Variants in DYNC2I2 observed in about 807,000 individuals in gnomAD.
DYNC2I2 encodes the protein dynein 2 intermediate chain 2.
In DYNC2I2, 39 loss-of-function variants were observed where a neutral mutation model predicts 52.0. The observed-to-expected ratio is 0.75, with a 90% confidence interval of 0.58 to 0.98. The LOEUF (loss-of-function observed/expected upper bound fraction) is 0.98, where lower values mean the gene tolerates loss of function less well. DYNC2I2 is among the 50% of genes least tolerant of loss of function. The pLI, the probability that DYNC2I2 is intolerant of heterozygous loss-of-function variation, is 0.00. For missense variants in DYNC2I2, 743 were observed against 728.4 expected (o/e 1.02, Z -0.23); for synonymous variants, 359 against 321.1 (o/e 1.12, Z -1.26).
the DYNC2I2 span, among the ~76,000 whole-genome samples, chr9:128,672,621 A>AT: frequency 6.6e-6 from 1 of 152,094 alleles, no homozygotes; most frequent in South Asian, 2.1e-4. Context: ...AAAAAAAAAA[A>AT]GGAAAAAAAT....
chr9:128,647,904 A>G (rs564387830), intron 1 of DYNC2I2, among the ~76,000 whole-genome samples: 17 of 152,160 alleles, frequency 1.1e-4, no homozygotes, highest in Middle Eastern at 3.4e-3. Context: ...TGCAGCCTGA[A>G]GCCCAATTCT....
At chr9:128,684,149 T>C in the DYNC2I2 span, 2 of 670,720 alleles carry the variant, frequency 3.0e-6, no homozygotes, top group Non-Finnish European at 5.0e-6. Flanking sequence ...GGATTAAGTT[T>C]GCGTGAAGAA....
chr9:128,651,606 C>T (rs10819425), intron 1 of DYNC2I2: 17,642 of 55,532 alleles, frequency 0.32, 7,821 homozygotes, highest in Middle Eastern at 0.66. Flanking sequence ...AACTGGAGGC[C>T]GAGGAGACAT....
the DYNC2I2 span, among the ~76,000 whole-genome samples, chr9:128,668,134 T>C: frequency 6.6e-6 from 1 of 151,908 alleles, no homozygotes; most frequent in East Asian, 1.9e-4. Flanking sequence ...CTAATTTTTG[T>C]ACTTTTAATA....
chr9:128,640,060 T>G (rs1860484055), intron 2 of DYNC2I2, among the ~76,000 whole-genome samples: 2 of 135,306 alleles, frequency 1.5e-5, no homozygotes, highest in African/African-American at 2.8e-5. Flanking sequence ...CAGGCTGGAG[T>G]GCAGTGGCGT....
At chr9:128,640,411 A>G (rs996580986) in intron 2 of DYNC2I2, among the ~76,000 whole-genome samples, 1 of 152,166 alleles carries the variant, frequency 6.6e-6, no homozygotes, top group African/African-American at 2.4e-5. Context: ...GCCTGCCTCC[A>G]CTGCTCAGCT....
At chr9:128,680,164 G>A in the DYNC2I2 span, among the ~76,000 whole-genome samples, 1 of 151,422 alleles carries the variant, frequency 6.6e-6, no homozygotes, top group Non-Finnish European at 1.5e-5. Flanking sequence ...GGGTTCAAGC[G>A]ATTTTTGTGC....
Position 128,656,775 on chromosome 9 carries a change from C to T in DYNC2I2, c.-49G>A, listed in dbSNP as rs1224169171. On this transcript the variant is annotated 5_prime_UTR_variant, in exon 1 of 9. Transcript: ENST00000372715. ...CGGACGCACTCAGGCGCGACCTCCG[C>T]CCCTACGCCGCCATGAGCGGAAAAC... The T allele has an allele frequency of 7.6e-7, 1 of 1,313,474 alleles. No homozygotes were observed. Among genetic ancestry groups the T allele is most frequent in the Non-Finnish European group, 9.7e-7 (1 of 1,029,610 alleles). The allele number at this position is 1,313,474 out of a possible 1,614,324, so 81.4% of individuals were successfully genotyped here.
At chr9:128,653,964 T>C (rs1860769280) in intron 1 of DYNC2I2, among the ~76,000 whole-genome samples, 1 of 152,008 alleles carries the variant, frequency 6.6e-6, no homozygotes, top group South Asian at 2.1e-4. Flanking sequence ...CGAGCCGAGA[T>C]TGCGCCACTG....
the DYNC2I2 span, among the ~76,000 whole-genome samples, chr9:128,669,541 T>C: frequency 1.5e-4 from 23 of 152,070 alleles, no homozygotes; most frequent in East Asian, 4.3e-3. Flanking sequence ...CTACTAAAAA[T>C]ACAAAATTAG....
At chr9:128,660,872 G>A (rs549728613), upstream of DYNC2I2, among the ~76,000 whole-genome samples, 75 of 151,758 alleles carry the variant, frequency 4.9e-4, no homozygotes, top group Non-Finnish European at 7.9e-4. Context: ...TGGGACTACA[G>A]GCATGCACCA....
chr9:128,634,870 A>G lies in DYNC2I2; in HGVS notation c.1033T>C (p.Phe345Leu). The part of the protein sequence containing the change: ...VGATAVAFSS[F>L]DPRLFILGTE... ...CCCAGAATGAACAGCCTAGGGTCAA[A>G]GCTGGAGAAGGCCACTGCCGTGGCG... is the stretch of plus-strand genomic sequence containing the variant. The change falls in exon 7 of 9, where the codon TTT becomes CTT. Residue 345 changes from phenylalanine to leucine, a missense_variant. By Grantham distance (22) the Phe-to-Leu change is conservative. Coordinates refer to ENST00000372715, the MANE Select transcript of DYNC2I2 (RefSeq NM_052844.4). 1 of 1,613,432 alleles carries G rather than the reference A, an allele frequency of 6.2e-7. No individual in the cohort carries two copies. Among genetic ancestry groups the G allele is most frequent in the South Asian group, 1.1e-5 (1 of 91,068 alleles).
the DYNC2I2 span, among the ~76,000 whole-genome samples, chr9:128,684,424 A>T: frequency 6.6e-6 from 1 of 152,084 alleles, no homozygotes; most frequent in South Asian, 2.1e-4. Context: ...ACGGCGGCCC[A>T]CAACTCTGGC....
rs1860213741 is a variant in DYNC2I2 at position 128,633,667 on chromosome 9, T to A, written c.*77A>T. 1 of 1,490,382 alleles carries A rather than the reference T, an allele frequency of 6.7e-7. No homozygotes were observed. Among genetic ancestry groups the A allele is most frequent in the Admixed American group, 2.0e-5 (1 of 50,816 alleles). 92.3% of individuals were successfully genotyped at this position (1,490,382 alleles called of 1,614,324 possible). On this transcript the variant is annotated 3_prime_UTR_variant, in exon 9 of 9. Transcript: ENST00000372715. Reference sequence around the variant, plus strand: ...TAAATGATGACTTCCCCCAAAGCTTTGCTTTTCTTCATTTGGCTTGCGTCA... The same window carrying A: ...TAAATGATGACTTCCCCCAAAGCTTAGCTTTTCTTCATTTGGCTTGCGTCA...
the DYNC2I2 span, among the ~76,000 whole-genome samples, chr9:128,666,929 G>A: frequency 1.3e-5 from 2 of 151,904 alleles, no homozygotes; most frequent in African/African-American, 2.4e-5. Flanking sequence ...GGCCAGGCGC[G>A]GTGGCTCACT....
At chr9:128,658,006 T>A (rs983364367), upstream of DYNC2I2, among the ~76,000 whole-genome samples, 1 of 151,920 alleles carries the variant, frequency 6.6e-6, no homozygotes, top group Non-Finnish European at 1.5e-5. Flanking sequence ...GGTGAGAGGA[T>A]CCCTGGAGTC....
upstream of DYNC2I2, among the ~76,000 whole-genome samples, chr9:128,659,573 C>T (rs1157325610): frequency 1.3e-5 from 2 of 151,342 alleles, no homozygotes; most frequent in Non-Finnish European, 2.9e-5. Context: ...CGAGATCAGC[C>T]TGGGAAACAT....
At chr9:128,657,679 G>A (rs567589359), upstream of DYNC2I2, among the ~76,000 whole-genome samples, 10 of 152,104 alleles carry the variant, frequency 6.6e-5, no homozygotes, top group East Asian at 1.9e-3. Context: ...ATGGTGGCAC[G>A]TGCCTGTAGT....
chr9:128,648,480 CGCCAA>C (rs1301206271), intron 1 of DYNC2I2, among the ~76,000 whole-genome samples: 1 of 151,750 alleles, frequency 6.6e-6, no homozygotes, highest in Non-Finnish European at 1.5e-5. Flanking sequence ...AGCCAGGCCC[CGCCAA>C]GCCAAGCCAA....
Sources: allele counts gnomAD v4.1 joint callset (sites outside exome capture counted in the v4.1 genomes callset), GRCh38; gene constraint gnomAD v4.1.1; transcripts MANE v1.5; gene names NCBI Gene and HGNC (gene_info 2026-07-23, HGNC 2026-07-21).